The following PTPRC variants were observed in gnomAD, a reference collection of about 807,000 sequenced individuals.
PTPRC encodes receptor-type tyrosine-protein phosphatase C.
A neutral mutation model predicts 155.9 loss-of-function variants in PTPRC; 44 were observed. That is an observed-to-expected ratio of 0.28 (90% CI 0.22 to 0.36). The LOEUF (loss-of-function observed/expected upper bound fraction) is 0.36, where lower values mean the gene tolerates loss of function less well. Ranked by LOEUF, PTPRC falls within the 10% of genes least tolerant of loss-of-function variation. The pLI is 1.00. For missense variants in PTPRC, 1,401 were observed against 1,564.6 expected (o/e 0.90, Z 1.76); for synonymous variants, 525 against 533.1 (o/e 0.98, Z 0.21).
chr1:198,708,016 A>G (rs1653090763), intron 9 of PTPRC, 117 bp from the exon 10 acceptor site: 12 of 935,284 alleles, frequency 1.3e-5, no homozygotes, highest in Non-Finnish European at 1.9e-5. Flanking sequence ...ATCCTTGCCA[A>G]ATTCTATGTC....
rs569454871 is a variant in PTPRC at position 198,704,493 on chromosome 1, C to T, written c.680C>T (p.Thr227Ile). ...TTIATTPSKP[T>I]CDEKYANITV... Reference sequence around the variant, plus strand: ...ACAGCTACTACTCCATCTAAGCCAACATGTGGTAAGTTTATTTACTTAGAA... The same window carrying T: ...ACAGCTACTACTCCATCTAAGCCAATATGTGGTAAGTTTATTTACTTAGAA... Residue 227 changes from threonine (T) to isoleucine (I), a missense_variant, in exon 8 of 33, where the codon ACA becomes ATA. Physicochemically the swap from Thr to Ile is moderately conservative, Grantham distance 89 (BLOSUM62 -1). This residue lies in a region of PTPRC where 867 missense variants were observed against 970.4 expected (regional missense o/e 0.89). Coordinates refer to ENST00000442510, the MANE Select transcript of PTPRC (RefSeq NM_002838.5). The T allele has an allele frequency of 6.2e-7, 1 of 1,614,010 alleles. No individual in the cohort carries two copies. Among genetic ancestry groups the T allele is most frequent in the Admixed American group, 1.7e-5 (1 of 60,022 alleles).
intron 29 of PTPRC, among the ~76,000 whole-genome samples, chr1:198,750,915 T>C (rs1214129089): frequency 6.6e-6 from 1 of 151,932 alleles, no homozygotes; most frequent in East Asian, 1.9e-4. Flanking sequence ...TTTCACGCTG[T>C]TTTCCTCATT....
intron 2 of PTPRC, among the ~76,000 whole-genome samples, chr1:198,675,454 T>C (rs1167731344): frequency 6.6e-6 from 1 of 152,132 alleles, no homozygotes; most frequent in African/African-American, 2.4e-5. Flanking sequence ...TAAGAATCCA[T>C]CTAATTTTAG....
rs1655739785 is a variant in PTPRC, at chr1:198,757,433, A to G, written c.*1252A>G. ...AAGATCTAGAAAAAAAAAATCAAGA[A>G]TAGTGGTATTTTTCATGAAGTAATA... On this transcript the variant is annotated 3_prime_UTR_variant, in exon 33 of 33. Coordinates refer to ENST00000442510, the MANE Select transcript of PTPRC (RefSeq NM_002838.5). The G allele has an allele frequency of 6.6e-6, 1 of 151,864 alleles. No individual in the cohort carries two copies. The highest frequency in any genetic ancestry group is 2.4e-5 in the African/African-American group (1 of 41,436). The allele number at this position is 151,864 out of a possible 1,614,324, so 9.4% of individuals were successfully genotyped here.
At chr1:198,672,953 G>C (rs1664732380) in intron 2 of PTPRC, among the ~76,000 whole-genome samples, 1 of 152,172 alleles carries the variant, frequency 6.6e-6, no homozygotes, top group African/African-American at 2.4e-5. Flanking sequence ...TCAGTTTGTA[G>C]AAGAGGGCCT....
intron 2 of PTPRC, among the ~76,000 whole-genome samples, chr1:198,689,850 C>A (rs755090113): frequency 3.9e-5 from 6 of 152,034 alleles, no homozygotes; most frequent in Non-Finnish European, 5.9e-5. Flanking sequence ...GATTATTAGT[C>A]TTAATCAGGT....
At chr1:198,673,421 A>T (rs1055864976) in intron 2 of PTPRC, among the ~76,000 whole-genome samples, 1 of 152,202 alleles carries the variant, frequency 6.6e-6, no homozygotes, top group Non-Finnish European at 1.5e-5. Context: ...ATAATTATAC[A>T]TACTTCATAT....
Position 198,704,513 on chromosome 1 carries a change from T to G in PTPRC, c.685+15T>G. On this transcript the variant is annotated intron_variant, in intron 8 of 32. Coordinates refer to ENST00000442510, the MANE Select transcript of PTPRC (RefSeq NM_002838.5). ...GCCAACATGTGGTAAGTTTATTTAC[T>G]TAGAATCAGCATACCTCACTTTGGA... 1 of 1,614,046 alleles carries G rather than the reference T, an allele frequency of 6.2e-7. No homozygotes were observed. The highest frequency in any genetic ancestry group is 8.5e-7 in the Non-Finnish European group (1 of 1,179,954).
intron 6 of PTPRC, 89 bp downstream of exon 6, chr1:198,702,619 A>G (rs1472331185): frequency 1.3e-6 from 2 of 1,539,252 alleles, no homozygotes; most frequent in Non-Finnish European, 1.8e-6. Context: ...ATTTTGTGCC[A>G]GATATTATTT....
rs542332110 is a variant in PTPRC at position 198,684,742 on chromosome 1, C to T, written c.74-7605C>T. 5.3e-5 allele frequency among the ~76,000 whole-genome samples: 8 copies of T among 151,922 alleles called. No individual in the cohort carries two copies. In the South Asian group the frequency reaches 1.7e-3, roughly 31 times the overall value. On this transcript the variant is annotated intron_variant, in intron 2 of 32. Transcript: ENST00000442510. Reference sequence around the variant, plus strand: ...ATCTTGAGATGTTGCTTTTTATAACCTCTTGCTCTTTGTTCATGGGTGCAA... The same window carrying T: ...ATCTTGAGATGTTGCTTTTTATAACTTCTTGCTCTTTGTTCATGGGTGCAA...
chr1:198,669,047 G>C (rs1383422147), intron 2 of PTPRC, among the ~76,000 whole-genome samples: 1 of 152,194 alleles, frequency 6.6e-6, no homozygotes, highest in Non-Finnish European at 1.5e-5. Flanking sequence ...ATGATTTTAT[G>C]TGATTCAGTC....
intron 31 of PTPRC, among the ~76,000 whole-genome samples, chr1:198,753,025 G>A (rs539820324): frequency 6.6e-6 from 1 of 151,878 alleles, no homozygotes; most frequent in South Asian, 2.1e-4. Context: ...TTGATTCCTT[G>A]GTAGCTAACA....
chr1:198,735,558 T>C lies in PTPRC; in HGVS notation c.2403+306T>C, dbSNP rs1654597305. ...AAATATAATCAAATTATTAAAAGAA[T>C]AAGCAATTTGTCTTCATTGTCAGTG... On this transcript the variant is annotated intron_variant, in intron 23 of 32. Coordinates refer to ENST00000442510, the MANE Select transcript of PTPRC (RefSeq NM_002838.5). Among the ~76,000 whole-genome samples, 4 of 144,672 alleles carry C rather than the reference T, an allele frequency of 2.8e-5. No homozygotes were observed. The South Asian group carries it at 8.8e-4, about 32-fold the overall frequency. 94.9% of individuals were successfully genotyped at this position (144,672 alleles called of 152,430 possible). A position where few individuals can be genotyped will look rare whatever the true frequency, so the allele number is the denominator to read the frequency against.
intron 3 of PTPRC, chr1:198,692,594 T>C (rs1051840561): frequency 9.7e-7 from 1 of 1,033,450 alleles, no homozygotes; most frequent in Middle Eastern, 4.0e-4. Flanking sequence ...ATATATTTTG[T>C]GTATAAATAG....
At chr1:198,646,823 A>G (rs192610396) in intron 2 of PTPRC, among the ~76,000 whole-genome samples, 8 of 152,032 alleles carry the variant, frequency 5.3e-5, no homozygotes, top group African/African-American at 1.7e-4. Flanking sequence ...AGCAAAAAGT[A>G]AAGAGAAGAA....
chr1:198,720,953 C>A (rs926843023), intron 14 of PTPRC, among the ~76,000 whole-genome samples: 1 of 152,150 alleles, frequency 6.6e-6, no homozygotes, highest in Non-Finnish European at 1.5e-5. Context: ...TTTTTAGCCA[C>A]CTCCCTCCAC....
At position 198,731,627 on chromosome 1, in the gene PTPRC, A is replaced by G. The variant is rs149572877; in HGVS notation, c.1875A>G (p.Lys625=). The G allele has an allele frequency of 1.2e-6, 2 of 1,606,908 alleles. No individual in the cohort carries two copies. Among genetic ancestry groups the G allele is most frequent in the African/African-American group, 2.7e-5 (2 of 74,676 alleles). The stretch of plus-strand genomic sequence containing the variant: ...TTAATATGTTTCCAGATGATGAAAA[A>G]CAACTGATGAATGTGGAGCCAATCC... ...QQELVERDDE[K]QLMNVEPIHA... Residue 625 remains lysine, a synonymous_variant, in exon 18 of 33, where the codon AAA becomes AAG. Coordinates refer to ENST00000442510, the MANE Select transcript of PTPRC (RefSeq NM_002838.5).
At chr1:198,728,778 T>G (rs915605848) in intron 16 of PTPRC, among the ~76,000 whole-genome samples, 3 of 152,168 alleles carry the variant, frequency 2.0e-5, no homozygotes. Flanking sequence ...GGGAGATGTC[T>G]GGGGAAGTTA....
In PTPRC at chr1:198,706,850, A is replaced by C; in HGVS notation, c.802A>C (p.Asn268His). The C allele has an allele frequency of 6.2e-7, 1 of 1,612,826 alleles. No homozygotes were observed. The highest frequency in any genetic ancestry group is 8.5e-7 in the Non-Finnish European group (1 of 1,178,842). The change falls in exon 9 of 33, where the codon AAT (asparagine) becomes CAT (histidine). Residue 268 changes from asparagine to histidine, a missense_variant. By Grantham distance (68) the Asn-to-His change is moderately conservative. Transcript: ENST00000442510. ...VECGNNTCTN[N>H]EVHNLTECKN... is the part of the protein sequence containing the mutation. ...ATGTGGAAACAATACTTGCACAAAC[A>C]ATGAGGTGCATAACCTTACAGAATG...
Sources: allele counts gnomAD v4.1 joint callset (sites outside exome capture counted in the v4.1 genomes callset), GRCh38; gene constraint gnomAD v4.1.1; regional missense constraint gnomAD v4.1.1; transcripts MANE v1.5; gene names NCBI Gene and HGNC (gene_info 2026-07-23, HGNC 2026-07-21).